The following LPCAT3 variants were observed in gnomAD, a reference collection of about 807,000 sequenced individuals.
LPCAT3 encodes the protein lysophospholipid acyltransferase 5.
LPCAT3 carries 21 observed loss-of-function variants against 63.4 expected under a neutral mutation model. The observed-to-expected ratio is 0.33, with a 90% confidence interval of 0.23 to 0.48. The LOEUF (loss-of-function observed/expected upper bound fraction) is 0.48, where lower values mean the gene tolerates loss of function less well. Among genes scored for constraint, LPCAT3 ranks in the 20% least tolerant of loss-of-function variants. The probability of loss-of-function intolerance (pLI) is 0.99; values close to 1 mark genes in which losing one functional copy is unlikely to be tolerated. For missense variants in LPCAT3, 451 were observed against 590.6 expected (o/e 0.76, Z 2.45); for synonymous variants, 242 against 227.5 (o/e 1.06, Z -0.58).
At chr12:7,016,428 C>G (rs1946798038) in intron 1 of LPCAT3, among the ~76,000 whole-genome samples, 1 of 152,074 alleles carries the variant, frequency 6.6e-6, no homozygotes, top group Admixed American at 6.6e-5. Flanking sequence ...AGGTGCCCAC[C>G]ACCATGCCCA....
chr12:7,018,252 A>G lies in LPCAT3; in HGVS notation c.151+22T>C. 7 of 1,583,126 alleles carry G rather than the reference A, an allele frequency of 4.4e-6. No homozygotes were observed. The highest frequency in any genetic ancestry group is 6.0e-6 in the Non-Finnish European group (7 of 1,164,626). On this transcript the variant is annotated intron_variant, in intron 1 of 12. Transcript: ENST00000261407. The surrounding 1 kb of genome is among the most constrained non-coding windows in gnomAD (Gnocchi z 4.9). ...TCCCCGGGGACTCCGCGAGGGGCGG[A>G]GGGAGGCAGGAGGGTCCTTACCCAG...
intron 1 of LPCAT3, among the ~76,000 whole-genome samples, chr12:6,992,728 CT>C (rs1288158241): frequency 6.6e-6 from 1 of 152,132 alleles, no homozygotes; most frequent in Non-Finnish European, 1.5e-5. Context: ...TGTTTTCAAT[CT>C]TTTTGAAACT....
At position 6,982,729 on chromosome 12, in the gene LPCAT3, G is replaced by A. The variant is rs1946483485; in HGVS notation, c.313C>T (p.Arg105Ter). 6.2e-7 allele frequency: 1 copy of A among 1,614,056 alleles called. No individual in the cohort carries two copies. The highest frequency in any genetic ancestry group is 8.5e-7 in the Non-Finnish European group (1 of 1,179,928). ...LCIVLQFLIL[R>*]LMGRTITAVL... ...GCAGTGATGGTGCGGCCCATTAGTC[G>A]AAGGATGAGGAACTGAAGCACAATA... is the stretch of plus-strand genomic sequence containing the variant. Residue 105 changes from arginine to a stop codon, truncating the protein, a stop_gained, in exon 3 of 13, where the codon CGA becomes TGA. Coordinates refer to ENST00000261407, the MANE Select transcript of LPCAT3 (RefSeq NM_005768.6). LOFTEE classifies it high-confidence loss of function.
rs139967536 is a variant in LPCAT3, at chr12:6,982,065, C to T, written c.367-161G>A. 4.6e-5 allele frequency among the ~76,000 whole-genome samples: 7 copies of T among 152,312 alleles called. No individual in the cohort carries two copies. The East Asian group carries it at 5.8e-4, about 13-fold the overall frequency. Reference sequence around the variant, plus strand: ...TGCTGAAAACCTGTAATGGGAAGAGCGTTGCTCAAGGCTTCTTGGCAAAAT... The same window carrying T: ...TGCTGAAAACCTGTAATGGGAAGAGTGTTGCTCAAGGCTTCTTGGCAAAAT... On this transcript the variant is annotated intron_variant, in intron 3 of 12. Coordinates refer to ENST00000261407, the MANE Select transcript of LPCAT3 (RefSeq NM_005768.6).
chr12:6,995,331 G>A (rs1198973899), intron 1 of LPCAT3, among the ~76,000 whole-genome samples: 8 of 152,010 alleles, frequency 5.3e-5, no homozygotes, highest in East Asian at 1.9e-4. Flanking sequence ...AAAATTAGCC[G>A]GGCGTGGTGG....
At chr12:7,010,424 TTGAC>T (rs1409573066) in intron 1 of LPCAT3, among the ~76,000 whole-genome samples, 3 of 152,298 alleles carry the variant, frequency 2.0e-5, no homozygotes, top group Admixed American at 6.5e-5. Flanking sequence ...GATTGATTGA[TTGAC>T]TGACTGAGAC....
At chr12:7,016,818 G>A (rs1380126396) in intron 1 of LPCAT3, among the ~76,000 whole-genome samples, 2 of 152,228 alleles carry the variant, frequency 1.3e-5, no homozygotes, top group African/African-American at 4.8e-5. Context: ...TTTGGATGAT[G>A]TCTGGGTGAC....
chr12:6,993,655 T>A (rs970137625), intron 1 of LPCAT3, among the ~76,000 whole-genome samples: 1 of 152,146 alleles, frequency 6.6e-6, no homozygotes, highest in East Asian at 1.9e-4. Flanking sequence ...GACCTTTGTG[T>A]CTGGCTTATT....
At chr12:7,000,856 G>A (rs1438797931) in intron 1 of LPCAT3, among the ~76,000 whole-genome samples, 1 of 151,604 alleles carries the variant, frequency 6.6e-6, no homozygotes, top group African/African-American at 2.4e-5. Context: ...ACAGGTGCCC[G>A]CCACCACGCC....
intron 1 of LPCAT3, among the ~76,000 whole-genome samples, chr12:7,012,618 T>C (rs1946770869): frequency 6.6e-6 from 1 of 152,182 alleles, no homozygotes; most frequent in African/African-American, 2.4e-5. Flanking sequence ...GTATAACCTT[T>C]TCCATGGCAT....
chr12:6,979,793 G>A, intron 6 of LPCAT3: 1 of 576,544 alleles, frequency 1.7e-6, no homozygotes, highest in Non-Finnish European at 3.1e-6. Flanking sequence ...AAGAGTTGTA[G>A]GAAAGTCAGG....
Position 6,977,001 on chromosome 12 carries a change from C to G in LPCAT3, c.*13-110G>C, listed in dbSNP as rs1946411285. 3 of 664,572 alleles carry G rather than the reference C, an allele frequency of 4.5e-6. No homozygotes were observed. Among genetic ancestry groups the G allele is most frequent in the Non-Finnish European group, 8.1e-6 (3 of 368,872 alleles). The allele number at this position is 664,572 out of a possible 1,614,324, so 41.2% of individuals were successfully genotyped here. A position where few individuals can be genotyped will look rare whatever the true frequency, so the allele number is the denominator to read the frequency against. ...CCTCAATAAGTCACAGTAGTCATTG[C>G]CCATACTGTGTTCCTTAGTAGCCAG... On this transcript the variant is annotated intron_variant, in intron 12 of 12. Coordinates refer to ENST00000261407, the MANE Select transcript of LPCAT3 (RefSeq NM_005768.6). This position sits in a 1 kb window ranked among gnomAD's most constrained non-coding sequence, Gnocchi z 4.5.
chr12:6,989,351 C>T (rs1946564810), intron 1 of LPCAT3, among the ~76,000 whole-genome samples: 2 of 149,972 alleles, frequency 1.3e-5, no homozygotes, highest in South Asian at 4.3e-4. Flanking sequence ...TCTCTGTCGC[C>T]CAGGCTGGAG....
rs1555153994 is a variant in LPCAT3, at chr12:6,981,056, T to C, written c.625A>G (p.Met209Val). 5.0e-6 allele frequency: 8 copies of C among 1,612,540 alleles called. No individual in the cohort carries two copies. Among genetic ancestry groups the C allele is most frequent in the Non-Finnish European group, 6.8e-6 (8 of 1,179,458 alleles). The change falls in exon 6 of 13, where the codon ATG becomes GTG. Residue 209 changes from methionine to valine, a missense_variant. By Grantham distance (21) the Met-to-Val change is conservative. Around this residue, in one of 3 missense-constraint regions of LPCAT3, gnomAD observed 304 missense variants for 390.8 expected, o/e 0.78. Coordinates refer to ENST00000261407, the MANE Select transcript of LPCAT3 (RefSeq NM_005768.6). ...VGPQFSMNHY[M>V]KLVQGELIDI... ...ATCAGCTCTCCCTGCACCAGCTTCA[T>C]GTAGTGATTCATTGAGAACTGGGGC... is the stretch of plus-strand genomic sequence containing the variant.
chr12:6,999,082 A>G (rs1221305857), intron 1 of LPCAT3, among the ~76,000 whole-genome samples: 1 of 152,212 alleles, frequency 6.6e-6, no homozygotes, highest in African/African-American at 2.4e-5. Flanking sequence ...CCAGATAACA[A>G]TCTATGCTCC....
In LPCAT3 at chr12:7,015,464, C is replaced by T. The variant is rs140723140; in HGVS notation, c.151+2810G>A. On this transcript the variant is annotated intron_variant, in intron 1 of 12. Coordinates refer to ENST00000261407, the MANE Select transcript of LPCAT3 (RefSeq NM_005768.6). ...CTACTGGTTTCTAGGTTACAATACACAGAAATGGTAATAACCTTTGTAAGG... is the reference window on the plus strand; with the variant it reads ...CTACTGGTTTCTAGGTTACAATACATAGAAATGGTAATAACCTTTGTAAGG... 2.7e-3 allele frequency among the ~76,000 whole-genome samples: 408 copies of T among 152,280 alleles called. 4 individuals are homozygous for T. The highest frequency in any genetic ancestry group is 9.3e-3 in the African/African-American group (388 of 41,544).
chr12:6,994,984 C>T (rs1025439580), intron 1 of LPCAT3, among the ~76,000 whole-genome samples: 1 of 152,200 alleles, frequency 6.6e-6, no homozygotes, highest in Non-Finnish European at 1.5e-5. Context: ...GACAGATCCA[C>T]ATCTTTAGTT....
At chr12:7,010,404 T>A (rs920969904) in intron 1 of LPCAT3, among the ~76,000 whole-genome samples, 24 of 152,158 alleles carry the variant, frequency 1.6e-4, no homozygotes, top group Non-Finnish European at 7.3e-5. Context: ...GAAGACCAAA[T>A]ACCATTATTG....
chr12:6,985,155 G>A (rs1315820397), intron 1 of LPCAT3, among the ~76,000 whole-genome samples: 1 of 150,226 alleles, frequency 6.7e-6, no homozygotes, highest in Non-Finnish European at 1.5e-5. Context: ...ACTATGGGAG[G>A]CTGAGACGGG....
Sources: allele counts gnomAD v4.1 joint callset (sites outside exome capture counted in the v4.1 genomes callset), GRCh38; gene constraint gnomAD v4.1.1; regional missense constraint gnomAD v4.1.1; non-coding constraint Gnocchi (gnomAD v3.1); transcripts MANE v1.5; gene names NCBI Gene and HGNC (gene_info 2026-07-23, HGNC 2026-07-21).